RBM4: variants seen among roughly 807,000 people sequenced by gnomAD.
RBM4 encodes RNA binding motif protein 4.
A neutral mutation model predicts 29.5 loss-of-function variants in RBM4; 7 were observed. The ratio of observed to expected loss-of-function variants is 0.24; its 90% confidence interval spans 0.14 to 0.45. The LOEUF (loss-of-function observed/expected upper bound fraction) is 0.45, where lower values mean the gene tolerates loss of function less well. Among genes scored for constraint, RBM4 ranks in the 20% least tolerant of loss-of-function variants. The pLI, the probability that RBM4 is intolerant of heterozygous loss-of-function variation, is 1.00. For missense variants in RBM4, 387 were observed against 502.3 expected (o/e 0.77, Z 2.19); for synonymous variants, 220 against 205.4 (o/e 1.07, Z -0.61).
At chr11:66,658,437 G>C (rs2135087948) in intron 2 of RBM4, among the ~76,000 whole-genome samples, 1 of 148,894 alleles carries the variant, frequency 6.7e-6, no homozygotes, top group South Asian at 2.1e-4. Context: ...ACAATTTAGG[G>C]GGTTTCTCCC....
At chr11:66,662,338 T>C (rs545990404) in intron 2 of RBM4, among the ~76,000 whole-genome samples, 3 of 152,318 alleles carry the variant, frequency 2.0e-5, no homozygotes, top group African/African-American at 7.2e-5. Context: ...AGTGATGATA[T>C]AGAACTCTTT....
chr11:66,639,392 C>T (rs944096563), intron 1 of RBM4: 18 of 365,290 alleles, frequency 4.9e-5, no homozygotes, highest in African/African-American at 3.5e-4. Flanking sequence ...ATAGAAAAGC[C>T]TAGTACCCCC....
At chr11:66,665,650 T>C in intron 2 of RBM4, 1 of 1,534,878 alleles carries the variant, frequency 6.5e-7, no homozygotes, top group Non-Finnish European at 8.7e-7. Flanking sequence ...ACAAGCGCCC[T>C]GGGTCCTGTC....
At chr11:66,657,003 A>G (rs925310336) in intron 2 of RBM4, among the ~76,000 whole-genome samples, 1 of 151,984 alleles carries the variant, frequency 6.6e-6, no homozygotes, top group Non-Finnish European at 1.5e-5. Context: ...TGATGGTTAC[A>G]ATCTTGTTCC....
At chr11:66,660,916 A>G (rs1939071274) in intron 2 of RBM4, among the ~76,000 whole-genome samples, 1 of 152,060 alleles carries the variant, frequency 6.6e-6, no homozygotes, top group Non-Finnish European at 1.5e-5. Context: ...CGGCCTCCCA[A>G]AGTGCTGGGA....
At chr11:66,647,873 A>G (rs1315950193), downstream of RBM4, among the ~76,000 whole-genome samples, 2 of 152,174 alleles carry the variant, frequency 1.3e-5, no homozygotes, top group African/African-American at 2.4e-5. Context: ...CATGATAAAC[A>G]TGGATATGAT....
chr11:66,641,794 T>C (rs1233608191), intron 2 of RBM4, among the ~76,000 whole-genome samples: 1 of 152,196 alleles, frequency 6.6e-6, no homozygotes, highest in African/African-American at 2.4e-5. Flanking sequence ...TGAGCAGTAG[T>C]TATTAGGGTG....
At chr11:66,662,350 G>A (rs1345610397) in intron 2 of RBM4, among the ~76,000 whole-genome samples, 1 of 152,076 alleles carries the variant, frequency 6.6e-6, no homozygotes, top group Non-Finnish European at 1.5e-5. Context: ...GAACTCTTTT[G>A]CAGAAAATTT....
intron 2 of RBM4, among the ~76,000 whole-genome samples, chr11:66,641,872 T>A (rs1413211399): frequency 6.6e-6 from 1 of 152,180 alleles, no homozygotes; most frequent in Non-Finnish European, 1.5e-5. Flanking sequence ...AAAATCTCTT[T>A]TAGATATTTT....
At position 66,643,903 on chromosome 11, in the gene RBM4, CAGCAGCAGCCGCTGCTGCTGT is replaced by C. The variant is rs1938576339; in HGVS notation, c.867_887del (p.Ala290_Val296del). 2 of 1,609,780 alleles carry C rather than the reference CAGCAGCAGCCGCTGCTGCTGT, an allele frequency of 1.2e-6. No individual in the cohort carries two copies. Among genetic ancestry groups the C allele is most frequent in the Admixed American group, 1.7e-5 (1 of 59,558 alleles). ...GGAGCTGCTGCCACAGCTGCTGCTG[CAGCAGCAGCCGCTGCTGCTGT>C]TACTGCAGCTTCCACTTCATATTAC... On this transcript the variant is annotated inframe_deletion, in exon 3 of 4. Coordinates refer to ENST00000310092, the MANE Select transcript of RBM4 (RefSeq NM_002896.4). The surrounding 1 kb of genome is among the most constrained non-coding windows in gnomAD (Gnocchi z 6.1).
chr11:66,641,384 G>T (rs997222366), intron 2 of RBM4, among the ~76,000 whole-genome samples: 3 of 152,128 alleles, frequency 2.0e-5, no homozygotes, highest in African/African-American at 7.2e-5. Context: ...CCTGTGTCAT[G>T]GGCATTGCTG....
downstream of RBM4, among the ~76,000 whole-genome samples, chr11:66,647,808 C>CA (rs1938733353): frequency 6.6e-6 from 1 of 152,136 alleles, no homozygotes; most frequent in African/African-American, 2.4e-5. Context: ...GCAGAAATGT[C>CA]AAGTAGAGAA....
At chr11:66,640,169 C>T in intron 2 of RBM4, 46 bp downstream of exon 2, 1 of 1,608,740 alleles carries the variant, frequency 6.2e-7, no homozygotes, top group Non-Finnish European at 8.5e-7. Flanking sequence ...AGGCTGTGTG[C>T]AGAAAATGGT....
chr11:66,653,888 T>C (rs1299807907), intron 2 of RBM4, among the ~76,000 whole-genome samples: 1 of 151,008 alleles, frequency 6.6e-6, no homozygotes, highest in Non-Finnish European at 1.5e-5. Context: ...AATATATGCC[T>C]CAATTAAAAA....
Position 66,640,140 on chromosome 11 carries a change from G to A in RBM4, c.412+17G>A, listed in dbSNP as rs1261788419. Reference sequence around the variant, plus strand: ...AGTTTCAAGGTGAACCACCCTCTTTGGGTAGAGGGCTGAACACAAGGCTGT... The same window carrying A: ...AGTTTCAAGGTGAACCACCCTCTTTAGGTAGAGGGCTGAACACAAGGCTGT... On this transcript the variant is annotated intron_variant, in intron 2 of 3. Coordinates refer to ENST00000310092, the MANE Select transcript of RBM4 (RefSeq NM_002896.4). 2 of 1,613,998 alleles carry A rather than the reference G, an allele frequency of 1.2e-6. No homozygotes were observed. The highest frequency in any genetic ancestry group is 1.3e-5 in the African/African-American group (1 of 74,914).
rs535209798 is a variant in RBM4 at position 66,646,254 on chromosome 11, A to C, written c.*236A>C. Reference sequence around the variant, plus strand: ...TCAATACTTCTGTAGCTTCCCATTCATGTTCTCTTCTCCCAGCAGGCCTCA... The same window carrying C: ...TCAATACTTCTGTAGCTTCCCATTCCTGTTCTCTTCTCCCAGCAGGCCTCA... On this transcript the variant is annotated 3_prime_UTR_variant, in exon 4 of 4. Coordinates refer to ENST00000310092, the MANE Select transcript of RBM4 (RefSeq NM_002896.4). 3.2e-5 allele frequency: 45 copies of C among 1,407,958 alleles called. No homozygotes were observed. The African/African-American group carries it at 5.5e-4, about 17-fold the overall frequency. 87.2% of individuals were successfully genotyped at this position (1,407,958 alleles called of 1,614,324 possible).
At chr11:66,641,170 TAAA>T (rs770925518) in intron 2 of RBM4, 24 of 152,026 alleles carry the variant, frequency 1.6e-4, no homozygotes, top group Non-Finnish European at 2.4e-4. Flanking sequence ...TAATAAAAAA[TAAA>T]AAAAGCCTTA....
chr11:66,648,038 C>G (rs1938741704), downstream of RBM4, among the ~76,000 whole-genome samples: 2 of 152,088 alleles, frequency 1.3e-5, no homozygotes, highest in Admixed American at 1.3e-4. Flanking sequence ...AACCCTGTCT[C>G]TACTAAAAAT....
intron 2 of RBM4, chr11:66,665,533 C>G: frequency 1.4e-6 from 2 of 1,471,064 alleles, no homozygotes; most frequent in Non-Finnish European, 1.8e-6. Flanking sequence ...GGAGCAAGTT[C>G]TCATATATGA....
Sources: gnomAD v4.1 joint callset for allele counts (sites outside exome capture counted in the v4.1 genomes callset) on GRCh38, gnomAD v4.1.1 for gene constraint, Gnocchi (gnomAD v3.1) non-coding constraint, MANE v1.5 for transcripts, NCBI Gene and HGNC (gene_info 2026-07-23, HGNC 2026-07-21) for gene names.